The following PHF24 variants were observed in gnomAD, a reference collection of about 807,000 sequenced individuals.
PHF24 encodes Galpha inhibitory interacting protein.
A neutral mutation model predicts 42.6 loss-of-function variants in PHF24; 25 were observed. The observed-to-expected ratio is 0.59, with a 90% CI of 0.43 to 0.82. The LOEUF is 0.82. PHF24 is among the 40% of genes least tolerant of loss of function. The pLI is 0.00. For missense variants in PHF24, 470 were observed against 538.1 expected, an observed-to-expected ratio of 0.87 and a Z score of 1.25; for synonymous variants, 185 against 204.8, an observed-to-expected ratio of 0.90 and a Z score of 0.83.
the PHF24 span, among the ~76,000 whole-genome samples, chr9:34,936,169 C>T: frequency 4.6e-5 from 7 of 152,070 alleles, no homozygotes; most frequent in Non-Finnish European, 8.8e-5. Context: ...AACCTCCCTG[C>T]CTGATTCTCC....
chr9:34,798,457 C>T, the PHF24 span, among the ~76,000 whole-genome samples: 1 of 152,158 alleles, frequency 6.6e-6, no homozygotes, highest in South Asian at 2.1e-4. Flanking sequence ...CAAGTGAGAA[C>T]ATATATTATT....
chr9:34,978,026 G>T, exon 8 of PHF24: 1 of 1,613,946 alleles, frequency 6.2e-7, no homozygotes, highest in Non-Finnish European at 8.5e-7. Context: ...TTTGTGGACT[G>T]GCCTACCTTC....
the PHF24 span, among the ~76,000 whole-genome samples, chr9:34,710,859 C>T: frequency 2.2e-4 from 34 of 151,770 alleles, no homozygotes; most frequent in East Asian, 3.7e-3. Flanking sequence ...TGGGCTCAAG[C>T]GATCCTCCTG....
the PHF24 span, among the ~76,000 whole-genome samples, chr9:34,820,125 T>G: frequency 6.7e-6 from 1 of 149,742 alleles, no homozygotes; most frequent in Non-Finnish European, 1.5e-5. Context: ...TGAATAATAT[T>G]AGCATTATAT....
chr9:34,972,651 C>T (rs1235490902), intron 3 of PHF24, 120 bp downstream of exon 3: 8 of 915,674 alleles, frequency 8.7e-6, no homozygotes, highest in Non-Finnish European at 9.5e-6. Context: ...CGCGGTGGCT[C>T]ATGCCTGTAA....
chr9:34,724,161 G>A, the PHF24 span: 2 of 1,550,834 alleles, frequency 1.3e-6, no homozygotes, highest in Non-Finnish European at 1.7e-6. Flanking sequence ...TGAGGCTCAG[G>A]GCCACAGGGT....
At chr9:34,766,727 G>T in the PHF24 span, among the ~76,000 whole-genome samples, 2 of 152,218 alleles carry the variant, frequency 1.3e-5, no homozygotes, top group Non-Finnish European at 2.9e-5. Flanking sequence ...GTCCAGCTTT[G>T]TTCCGTTGCT....
upstream of PHF24, among the ~76,000 whole-genome samples, chr9:34,958,142 C>A (rs1363901328): frequency 1.7e-4 from 25 of 147,934 alleles, no homozygotes; most frequent in African/African-American, 5.8e-4. This position sits in a 1 kb window ranked among gnomAD's most constrained non-coding sequence, Gnocchi z 4.5. Context: ...CGGGGCGGGG[C>A]GCGCCCACCG....
the PHF24 span, among the ~76,000 whole-genome samples, chr9:34,920,526 A>G: frequency 6.6e-6 from 1 of 151,980 alleles, no homozygotes; most frequent in Non-Finnish European, 1.5e-5. Flanking sequence ...TATTTTTTCT[A>G]TTTCTTTAAA....
chr9:34,811,634 T>C, the PHF24 span, among the ~76,000 whole-genome samples: 1 of 152,132 alleles, frequency 6.6e-6, no homozygotes, highest in Admixed American at 6.5e-5. Flanking sequence ...AAGACAAGGC[T>C]AAAATGACAA....
At chr9:34,689,390 A>G in the PHF24 span, among the ~76,000 whole-genome samples, 1 of 151,966 alleles carries the variant, frequency 6.6e-6, no homozygotes, top group Non-Finnish European at 1.5e-5. This position sits in a 1 kb window ranked among gnomAD's most constrained non-coding sequence, Gnocchi z 4.1. Context: ...CCTAGGCCAC[A>G]GAAGAGAAAA....
At chr9:34,898,725 C>T in the PHF24 span, among the ~76,000 whole-genome samples, 1 of 152,032 alleles carries the variant, frequency 6.6e-6, no homozygotes, top group Non-Finnish European at 1.5e-5. Context: ...CAGCTGTTGC[C>T]ACCCTCTATG....
At chr9:34,790,877 G>A in the PHF24 span, among the ~76,000 whole-genome samples, 1 of 152,162 alleles carries the variant, frequency 6.6e-6, no homozygotes, top group Non-Finnish European at 1.5e-5. Flanking sequence ...CAATTGCAAA[G>A]GTGCCAAGAG....
the PHF24 span, among the ~76,000 whole-genome samples, chr9:34,829,637 C>T: frequency 6.6e-6 from 1 of 152,192 alleles, no homozygotes; most frequent in Non-Finnish European, 1.5e-5. Flanking sequence ...TTCTCTGCCT[C>T]CTCAGCGCAG....
the PHF24 span, among the ~76,000 whole-genome samples, chr9:34,681,982 G>A: frequency 7.1e-3 from 2 of 280 alleles, no homozygotes; most frequent in South Asian, 0.17. Flanking sequence ...GACTATCTTG[G>A]CACTTTTTTT....
chr9:34,855,479 A>C, the PHF24 span, among the ~76,000 whole-genome samples: 1 of 152,214 alleles, frequency 6.6e-6, no homozygotes, highest in Non-Finnish European at 1.5e-5. Flanking sequence ...GTGGTGACGA[A>C]TTCCCTTAAC....
At chr9:34,902,660 A>G in the PHF24 span, among the ~76,000 whole-genome samples, 5 of 144,176 alleles carry the variant, frequency 3.5e-5, no homozygotes, top group African/African-American at 1.3e-4. Context: ...TCTCAAAAAA[A>G]TAAAAATAAA....
At chr9:34,696,429 G>C in the PHF24 span, among the ~76,000 whole-genome samples, 1 of 151,002 alleles carries the variant, frequency 6.6e-6, no homozygotes, top group Non-Finnish European at 1.5e-5. Context: ...CAGAAGTTGC[G>C]GTGTGCAGAG....
the PHF24 span, among the ~76,000 whole-genome samples, chr9:34,873,576 G>T: frequency 6.6e-6 from 1 of 151,778 alleles, no homozygotes; most frequent in Non-Finnish European, 1.5e-5. Flanking sequence ...CTCTGTTTTG[G>T]TAACAGTACC....
Sources: gnomAD v4.1 joint callset for allele counts (sites outside exome capture counted in the v4.1 genomes callset) on GRCh38, gnomAD v4.1.1 for gene constraint, Gnocchi (gnomAD v3.1) non-coding constraint, MANE v1.5 for transcripts, NCBI Gene and HGNC (gene_info 2026-07-23, HGNC 2026-07-21) for gene names.